SNRNP70: variants seen among roughly 807,000 people sequenced by gnomAD.
SNRNP70 encodes the protein small nuclear ribonucleoprotein U1 subunit 70.
SNRNP70 carries 8 observed loss-of-function variants against 50.5 expected under a neutral mutation model. The observed-to-expected ratio is 0.16, with a 90% CI of 0.09 to 0.29. The LOEUF is 0.29. Ranked by LOEUF, SNRNP70 falls within the 10% of genes least tolerant of loss-of-function variation. The pLI, the probability that SNRNP70 is intolerant of heterozygous loss-of-function variation, is 1.00. For missense variants in SNRNP70, 529 were observed against 663.5 expected (o/e 0.80, Z 2.23); for synonymous variants, 320 against 252.9 (o/e 1.27, Z -2.52).
rs1325257458 is a variant in SNRNP70 at position 49,107,571 on chromosome 19, C to T, written c.578-54C>T. On this transcript the variant is annotated intron_variant, in intron 8 of 9. Transcript: ENST00000598441. The surrounding 1 kb of genome is among the most constrained non-coding windows in gnomAD (Gnocchi z 6.0). ...TCTTGGAGTCGGCTCATTTCTGCTC[C>T]TCCGGGCCCTGTCCCTGCCCAGATT... 4 of 1,560,730 alleles carry T rather than the reference C, an allele frequency of 2.6e-6. No homozygotes were observed. The highest frequency in any genetic ancestry group is 1.4e-5 in the African/African-American group (1 of 73,888).
intron 7 of SNRNP70, chr19:49,103,746 A>C (rs1332630325): frequency 6.6e-6 from 1 of 152,388 alleles, no homozygotes; most frequent in Non-Finnish European, 1.5e-5. Flanking sequence ...CGTTGATCAC[A>C]GGCCAGGGCC....
rs1568424488 is a variant in SNRNP70, at chr19:49,107,939, CAAG to C, written c.811_813del (p.Lys271del). 1.3e-6 allele frequency: 2 copies of C among 1,547,534 alleles called. No homozygotes were observed. The highest frequency in any genetic ancestry group is 8.7e-7 in the Non-Finnish European group (1 of 1,146,192). ...GGCGGAGGCGCTCACGGAGTCGCGA[CAAG>C]GAGGAGCGGAGGCGCTCCAGGGAGC... is the stretch of plus-strand genomic sequence containing the variant. On this transcript the variant is annotated inframe_deletion, in exon 10 of 10. Transcript: ENST00000598441. This position sits in a 1 kb window ranked among gnomAD's most constrained non-coding sequence, Gnocchi z 6.0.
At position 49,108,114 on chromosome 19, in the gene SNRNP70, G is replaced by T. The variant is rs774342922; in HGVS notation, c.985G>T (p.Asp329Tyr). 45 of 1,549,944 alleles carry T rather than the reference G, an allele frequency of 2.9e-5. No individual in the cohort carries two copies. The highest frequency in any genetic ancestry group is 3.8e-5 in the Non-Finnish European group (44 of 1,148,260). The change falls in exon 10 of 10, where the codon GAT becomes TAT. Residue 329 changes from aspartate (D) to tyrosine (Y), a missense_variant. Around this residue, in one of 4 missense-constraint regions of SNRNP70, gnomAD observed 327 missense variants for 308.8 expected, o/e 1.06. Coordinates refer to ENST00000598441, the MANE Select transcript of SNRNP70 (RefSeq NM_003089.6). ...CGAGGCGGGTGACGCGCCCCCTGAT[G>T]ATGGGCCTCCAGGGGAGCTCGGGCC... ...PSEAGDAPPDDGPPGELGPDG... is the reference protein window; with the variant it reads ...PSEAGDAPPDYGPPGELGPDG...
At chr19:49,101,780 G>A (rs1300106307) in intron 7 of SNRNP70, 3 of 420,970 alleles carry the variant, frequency 7.1e-6, no homozygotes, top group Non-Finnish European at 9.0e-6. Flanking sequence ...GGGAGGGGTC[G>A]GATTTTGGGG....
chr19:49,085,665 G>A (rs2040367810), intron 1 of SNRNP70, 29 bp downstream of exon 1: 1 of 455,726 alleles, frequency 2.2e-6, no homozygotes, highest in South Asian at 1.6e-5. Flanking sequence ...GTGGCCCGAC[G>A]GGGTGCGGGG....
At position 49,086,486 on chromosome 19, in the gene SNRNP70, C is replaced by G; in HGVS notation, c.72C>G (p.Pro24=). The G allele has an allele frequency of 5.6e-6, 9 of 1,614,094 alleles. No individual in the cohort carries two copies. Among genetic ancestry groups the G allele is most frequent in the Non-Finnish European group, 7.6e-6 (9 of 1,180,016 alleles). ...APRDPIPYLP[P]LEKLPHEKHH... ...GTGACCCTATTCCATACCTGCCACC[C>G]CTGGAGAAACTGCCACATGAAAAAC... is the stretch of plus-strand genomic sequence containing the variant. Residue 24 remains proline (P), a synonymous_variant, in exon 2 of 10, where the codon CCC becomes CCG. Transcript: ENST00000598441.
At position 49,104,517 on chromosome 19, in the gene SNRNP70, G is replaced by C. The variant is rs573322528; in HGVS notation, c.476-117G>C. ...TCAGTTGCCTGGCTGTCTGTTGGGC[G>C]TGTGCGTGTGCGTGATGATGGGGAC... On this transcript the variant is annotated intron_variant, in intron 7 of 9. Transcript: ENST00000598441. The surrounding 1 kb of genome is among the most constrained non-coding windows in gnomAD (Gnocchi z 5.4). 2 of 760,260 alleles carry C rather than the reference G, an allele frequency of 2.6e-6. No individual in the cohort carries two copies. The highest frequency in any genetic ancestry group is 2.1e-5 in the Admixed American group (1 of 48,088). The allele number at this position is 760,260 out of a possible 1,614,324, so 47.1% of individuals were successfully genotyped here. A position where few individuals can be genotyped will look rare whatever the true frequency, so the allele number is the denominator to read the frequency against.
Position 49,085,516 on chromosome 19 carries a change from G to A in SNRNP70, c.-131G>A, listed in dbSNP as rs1282004807. 4.4e-6 allele frequency: 2 copies of A among 455,386 alleles called. No homozygotes were observed. The highest frequency in any genetic ancestry group is 8.8e-6 in the Non-Finnish European group (2 of 226,484). The allele number at this position is 455,386 out of a possible 1,614,324, so 28.2% of individuals were successfully genotyped here. ...TGGTGCGCTCGCTTAGCGGGCGACG[G>A]AATCAGACGGACGTGGACGCCCCCG... On this transcript the variant is annotated 5_prime_UTR_variant, in exon 1 of 10. Transcript: ENST00000598441.
chr19:49,104,723 C>T lies in SNRNP70; in HGVS notation c.565C>T (p.Pro189Ser), dbSNP rs1445208302. The stretch of plus-strand genomic sequence containing the variant: ...GGGCCGAACCGTGAAGGGCTGGAGG[C>T]CCCGGCGGCTAGGTGAGCACATCCT... ...ERGRTVKGWR[P>S]RRLGGGLGGT... Residue 189 changes from proline to serine, a missense_variant, in exon 8 of 10, where the codon CCC (proline) becomes TCC (serine). Pro to Ser is a moderately conservative substitution (Grantham distance 74). Coordinates refer to ENST00000598441, the MANE Select transcript of SNRNP70 (RefSeq NM_003089.6). The surrounding 1 kb of genome is among the most constrained non-coding windows in gnomAD (Gnocchi z 5.4). The T allele has an allele frequency of 6.5e-7, 1 of 1,546,862 alleles. No homozygotes were observed. Among genetic ancestry groups the T allele is most frequent in the Non-Finnish European group, 8.7e-7 (1 of 1,145,018 alleles).
At position 49,104,878 on chromosome 19, in the gene SNRNP70, T is replaced by C. The variant is rs971527362; in HGVS notation, c.577+143T>C. The C allele has an allele frequency of 3.4e-6, 2 of 585,358 alleles. No homozygotes were observed. The highest frequency in any genetic ancestry group is 6.0e-6 in the Non-Finnish European group (2 of 335,156). 36.3% of individuals were successfully genotyped at this position (585,358 alleles called of 1,614,324 possible). On this transcript the variant is annotated intron_variant, in intron 8 of 9. Coordinates refer to ENST00000598441, the MANE Select transcript of SNRNP70 (RefSeq NM_003089.6). The surrounding 1 kb of genome is among the most constrained non-coding windows in gnomAD (Gnocchi z 5.4). ...CCTCATCTCCGGCTTCTCTCTCTTG[T>C]GGCCATCACATTTCTGACAGCTGCC...
chr19:49,086,664 CGAGGG>C, intron 2 of SNRNP70, 103 bp downstream of exon 2: 1 of 1,076,022 alleles, frequency 9.3e-7, no homozygotes, highest in Non-Finnish European at 1.4e-6. Flanking sequence ...GTGATTTAAG[CGAGGG>C]GCTTAACCTT....
Position 49,098,720 on chromosome 19 carries a change from C to T in SNRNP70, c.393+16C>T. On this transcript the variant is annotated intron_variant, in intron 6 of 9. Transcript: ENST00000598441. ...TATCAAAAGAGTAAGTGGAGTGGGT[C>T]AGGGTGTTTGAATTGGGGGTGCATG... The T allele has an allele frequency of 6.2e-7, 1 of 1,609,824 alleles. No individual in the cohort carries two copies. Among genetic ancestry groups the T allele is most frequent in the Non-Finnish European group, 8.5e-7 (1 of 1,176,198 alleles).
At chr19:49,085,994 T>G (rs1204402878) in intron 1 of SNRNP70, among the ~76,000 whole-genome samples, 1 of 152,190 alleles carries the variant, frequency 6.6e-6, no homozygotes, top group Non-Finnish European at 1.5e-5. Flanking sequence ...TTTCTTTGCT[T>G]GGAAACTTCC....
At chr19:49,086,743 G>A (rs1364585065) in intron 2 of SNRNP70, among the ~76,000 whole-genome samples, 182 bp downstream of exon 2, 13 of 152,058 alleles carry the variant, frequency 8.5e-5, no homozygotes. Flanking sequence ...GGTCGAGTGC[G>A]TCTGTAGTCT....
rs2040691961 is a variant in SNRNP70 at position 49,107,744 on chromosome 19, G to C, written c.665+32G>C. 6.2e-7 allele frequency: 1 copy of C among 1,613,152 alleles called. No individual in the cohort carries two copies. The highest frequency in any genetic ancestry group is 1.3e-5 in the African/African-American group (1 of 74,900). On this transcript the variant is annotated intron_variant, in intron 9 of 9. Transcript: ENST00000598441. This position sits in a 1 kb window ranked among gnomAD's most constrained non-coding sequence, Gnocchi z 6.0. Reference sequence around the variant, plus strand: ...TTGGGCGACCGGTGTCCTGGGGTGGGGGGCGGTCACGGGGGGAGCCCAGCC... The same window carrying C: ...TTGGGCGACCGGTGTCCTGGGGTGGCGGGCGGTCACGGGGGGAGCCCAGCC...
In SNRNP70 at chr19:49,108,540, C is replaced by A. The variant is rs1003197793; in HGVS notation, c.*97C>A. 3 of 1,454,028 alleles carry A rather than the reference C, an allele frequency of 2.1e-6. No homozygotes were observed. In the Admixed American group the frequency reaches 6.7e-5, roughly 33 times the overall value. 90.1% of individuals were successfully genotyped at this position (1,454,028 alleles called of 1,614,324 possible). A position where few individuals can be genotyped will look rare whatever the true frequency, so the allele number is the denominator to read the frequency against. On this transcript the variant is annotated 3_prime_UTR_variant, in exon 10 of 10. Coordinates refer to ENST00000598441, the MANE Select transcript of SNRNP70 (RefSeq NM_003089.6). ...AACCTTGGCCACTTGAGTTTGTCCTCCAAGGGTAGGTGTCTCATTTGTTCT... is the reference window on the plus strand; with the variant it reads ...AACCTTGGCCACTTGAGTTTGTCCTACAAGGGTAGGTGTCTCATTTGTTCT...
chr19:49,108,123 C>T lies in SNRNP70; in HGVS notation c.994C>T (p.Pro332Ser), dbSNP rs932003848. 3.2e-6 allele frequency: 5 copies of T among 1,547,988 alleles called. No individual in the cohort carries two copies. The highest frequency in any genetic ancestry group is 4.4e-6 in the Non-Finnish European group (5 of 1,147,430). ...TGACGCGCCCCCTGATGATGGGCCT[C>T]CAGGGGAGCTCGGGCCTGACGGCCC... Reference protein sequence around the residue: ...AGDAPPDDGPPGELGPDGPDG... With the variant: ...AGDAPPDDGPSGELGPDGPDG... The change falls in exon 10 of 10, where the codon CCA (proline) becomes TCA (serine). Residue 332 changes from proline (P) to serine (S), a missense_variant. Transcript: ENST00000598441.
chr19:49,098,123 G>C (rs1472760796), intron 4 of SNRNP70, among the ~76,000 whole-genome samples: 1 of 152,178 alleles, frequency 6.6e-6, no homozygotes, highest in Non-Finnish European at 1.5e-5. Flanking sequence ...GGGCCCTTAG[G>C]GTTTATGTAG....
chr19:49,093,693 C>CAAAAAAAAAAAAAAAAAAAAAA (rs376626601), intron 4 of SNRNP70, among the ~76,000 whole-genome samples: 1 of 123,152 alleles, frequency 8.1e-6, no homozygotes. Flanking sequence ...AAAAAAAAAA[C>CAAAAAAAAAAAAAAAAAAAAAA]AAAAAAAAAA....
Sources: allele counts gnomAD v4.1 joint callset (sites outside exome capture counted in the v4.1 genomes callset), GRCh38; gene constraint gnomAD v4.1.1; regional missense constraint gnomAD v4.1.1; non-coding constraint Gnocchi (gnomAD v3.1); transcripts MANE v1.5; gene names NCBI Gene and HGNC (gene_info 2026-07-23, HGNC 2026-07-21).